PDE7A: variants seen among roughly 807,000 people sequenced by gnomAD.
PDE7A encodes high affinity 3',5'-cyclic-AMP phosphodiesterase 7A.
A neutral mutation model predicts 64.3 loss-of-function variants in PDE7A; 39 were observed. The ratio of observed to expected loss-of-function variants is 0.61; its 90% confidence interval spans 0.47 to 0.79. PDE7A has a LOEUF of 0.79. Ranked by LOEUF, PDE7A falls within the 30% of genes least tolerant of loss-of-function variation. PDE7A has a pLI of 0.00. For synonymous variants in PDE7A, 203 were observed against 206.8 expected (o/e 0.98, Z 0.16); for missense variants, 470 against 582.8 (o/e 0.81, Z 1.99).
chr8:65,808,169 CTAGTAGTTAAAATGAGCAGAA>C (rs1169024571), intron 1 of PDE7A, among the ~76,000 whole-genome samples: 1 of 152,138 alleles, frequency 6.6e-6, no homozygotes, highest in Non-Finnish European at 1.5e-5. Context: ...ACATTCAGTG[CTAGTAGTTAAAATGAGCAGAA>C]ATTGGCAAGC....
intron 1 of PDE7A, among the ~76,000 whole-genome samples, chr8:65,836,620 C>T (rs1810958168): frequency 6.6e-6 from 1 of 152,142 alleles, no homozygotes; most frequent in Non-Finnish European, 1.5e-5. Context: ...AACCTAAAAA[C>T]AAAAATGTTC....
intron 1 of PDE7A, chr8:65,788,995 A>G: frequency 1.0e-5 from 16 of 1,602,264 alleles, no homozygotes; most frequent in Non-Finnish European, 1.4e-5. Context: ...GGGAGCAAGG[A>G]AAACTTCTTA....
chr8:65,827,468 A>G (rs1186566350), intron 1 of PDE7A, among the ~76,000 whole-genome samples: 3 of 152,194 alleles, frequency 2.0e-5, no homozygotes, highest in Admixed American at 6.5e-5. Context: ...TCAGCTTTGA[A>G]GTAGGTAGAA....
chr8:65,742,616 T>C (rs1053645328), intron 5 of PDE7A, among the ~76,000 whole-genome samples: 1 of 152,230 alleles, frequency 6.6e-6, no homozygotes, highest in East Asian at 1.9e-4. Flanking sequence ...CATGAATGTA[T>C]GTTATCCAGA....
chr8:65,809,689 G>T lies in PDE7A; in HGVS notation c.139-26846C>A, dbSNP rs1016298919. Among the ~76,000 whole-genome samples, 6 of 152,162 alleles carry T rather than the reference G, an allele frequency of 3.9e-5. No homozygotes were observed. The South Asian group carries it at 1.0e-3, about 26-fold the overall frequency. On this transcript the variant is annotated intron_variant, in intron 1 of 12. Coordinates refer to ENST00000401827, the MANE Select transcript of PDE7A (RefSeq NM_001242318.3). ...CAAACCCCATCACAAAGTGGGCAAA[G>T]GATATGAACAGACACTTTTCAAAAG...
chr8:65,719,712 A>G, intron 12 of PDE7A: 1 of 558,654 alleles, frequency 1.8e-6, no homozygotes, highest in South Asian at 2.4e-5. Flanking sequence ...AATTTGAGTA[A>G]AAGTGAACTG....
intron 3 of PDE7A, among the ~76,000 whole-genome samples, chr8:65,768,173 A>G (rs1223332724): frequency 6.6e-6 from 1 of 152,196 alleles, no homozygotes; most frequent in Non-Finnish European, 1.5e-5. Flanking sequence ...GAGGGAAAAC[A>G]CAGTTTGAGG....
Position 65,812,428 on chromosome 8 carries a change from A to G in PDE7A, c.138+28943T>C, listed in dbSNP as rs541431465. Among the ~76,000 whole-genome samples, 12 of 152,318 alleles carry G rather than the reference A, an allele frequency of 7.9e-5. No individual in the cohort carries two copies. The East Asian group carries it at 1.2e-3, about 15-fold the overall frequency. The stretch of plus-strand genomic sequence containing the variant: ...GATGGAGCAAAGATCAAAACATGAA[A>G]AACAAACTGTGGAAGCAGAACCATA... On this transcript the variant is annotated intron_variant, in intron 1 of 12. Coordinates refer to ENST00000401827, the MANE Select transcript of PDE7A (RefSeq NM_001242318.3).
At chr8:65,817,053 G>T (rs1039401533) in intron 1 of PDE7A, among the ~76,000 whole-genome samples, 1 of 152,074 alleles carries the variant, frequency 6.6e-6, no homozygotes, top group Admixed American at 6.6e-5. Flanking sequence ...CTGGTCTGTT[G>T]TTCATGGATT....
chr8:65,732,697 G>C (rs770328620), intron 7 of PDE7A, among the ~76,000 whole-genome samples: 9 of 152,150 alleles, frequency 5.9e-5, no homozygotes, highest in Non-Finnish European at 8.8e-5. Context: ...ATTTTTTGTA[G>C]AGATGGGATC....
chr8:65,813,782 C>A (rs1041928217), intron 1 of PDE7A, among the ~76,000 whole-genome samples: 3 of 152,138 alleles, frequency 2.0e-5, no homozygotes, highest in African/African-American at 4.8e-5. Flanking sequence ...GGGTTCCATC[C>A]ATTTTCCTAA....
rs953655370 is a variant in PDE7A, at chr8:65,717,695, G to C, written c.*1595C>G. 1 of 152,132 alleles carries C rather than the reference G, an allele frequency of 6.6e-6. No homozygotes were observed. The highest frequency in any genetic ancestry group is 2.4e-5 in the African/African-American group (1 of 41,430). 9.4% of individuals were successfully genotyped at this position (152,132 alleles called of 1,614,324 possible). ...TCAAAGATAAAAATATGAAAAGATA[G>C]GTTTTTATTCATCAAAAGTTAACAG... On this transcript the variant is annotated 3_prime_UTR_variant, in exon 13 of 13. Transcript: ENST00000401827.
At chr8:65,733,314 G>A (rs7833031) in intron 7 of PDE7A, among the ~76,000 whole-genome samples, 57,612 of 151,886 alleles carry the variant, frequency 0.38, 11,519 homozygotes, top group East Asian at 0.62. Flanking sequence ...AGAAGCCTTC[G>A]CTGACCAGGT....
intron 1 of PDE7A, among the ~76,000 whole-genome samples, chr8:65,798,277 T>C (rs1809906735): frequency 6.7e-6 from 1 of 149,914 alleles, no homozygotes; most frequent in Admixed American, 6.7e-5. Context: ...TGGCGTAATC[T>C]TGGCTCACTG....
intron 1 of PDE7A, among the ~76,000 whole-genome samples, chr8:65,812,342 T>C (rs907574474): frequency 1.3e-5 from 2 of 152,116 alleles, no homozygotes; most frequent in African/African-American, 2.4e-5. Context: ...AGAAACTGGC[T>C]AGTAAATAGA....
At chr8:65,781,928 C>T (rs1809429416) in intron 2 of PDE7A, among the ~76,000 whole-genome samples, 1 of 151,980 alleles carries the variant, frequency 6.6e-6, no homozygotes, top group Admixed American at 6.6e-5. Flanking sequence ...TAGAAAAGAA[C>T]TGAGGCAGGT....
rs1806655174 is a variant in PDE7A at position 65,727,386 on chromosome 8, ATGGTAG to A, written c.697-91_697-86del. ...CACAGTAGTTTTGAATTAGCAGCCA[ATGGTAG>A]TGGTGGTAATCTCCTCCCCCTTCAC... On this transcript the variant is annotated intron_variant, in intron 7 of 12. Coordinates refer to ENST00000401827, the MANE Select transcript of PDE7A (RefSeq NM_001242318.3). The A allele has an allele frequency of 1.3e-5, 20 of 1,556,090 alleles. No individual in the cohort carries two copies. In the South Asian group the frequency reaches 2.4e-4, roughly 19 times the overall value.
chr8:65,733,351 T>A (rs1197482624), intron 7 of PDE7A, among the ~76,000 whole-genome samples: 1 of 152,176 alleles, frequency 6.6e-6, no homozygotes, highest in Admixed American at 6.5e-5. Context: ...TGCAGAGAAC[T>A]TATTACCATC....
At chr8:65,776,990 G>C (rs897153046) in intron 3 of PDE7A, among the ~76,000 whole-genome samples, 1 of 151,502 alleles carries the variant, frequency 6.6e-6, no homozygotes, top group South Asian at 2.1e-4. Flanking sequence ...GGGTTTTGTA[G>C]CTAATGTTTC....
Sources: allele counts gnomAD v4.1 joint callset (sites outside exome capture counted in the v4.1 genomes callset), GRCh38; gene constraint gnomAD v4.1.1; transcripts MANE v1.5; gene names NCBI Gene and HGNC (gene_info 2026-07-23, HGNC 2026-07-21).